The following GULP1 variants were observed in gnomAD, a reference collection of about 807,000 sequenced individuals.
GULP1 encodes GULP PTB domain containing engulfment adaptor 1.
GULP1 carries 19 observed loss-of-function variants against 40.9 expected under a neutral mutation model. The observed-to-expected ratio is 0.46, with a 90% CI of 0.32 to 0.68. The LOEUF (loss-of-function observed/expected upper bound fraction) is 0.68. Among genes scored for constraint, GULP1 ranks in the 30% least tolerant of loss-of-function variants. The pLI, the probability that GULP1 is intolerant of heterozygous loss-of-function variation, is 0.03. For missense variants in GULP1, 312 were observed against 362.2 expected (o/e 0.86, Z 1.12); for synonymous variants, 119 against 117.6 (o/e 1.01, Z -0.08).
intron 4 of GULP1, among the ~76,000 whole-genome samples, chr2:188,491,098 G>A (rs1289711240): frequency 6.6e-6 from 1 of 151,866 alleles, no homozygotes; most frequent in African/African-American, 2.4e-5. Flanking sequence ...ATGCCTAGCC[G>A]AAATAATTTT....
intron 4 of GULP1, among the ~76,000 whole-genome samples, chr2:188,519,277 G>A (rs568027264): frequency 6.6e-6 from 1 of 152,258 alleles, no homozygotes; most frequent in Admixed American, 6.5e-5. Flanking sequence ...AAGGTTTCCT[G>A]GAGCACAGCT....
rs914820180 is a variant in GULP1 at position 188,594,116 on chromosome 2, A to G, written c.*105A>G. 5.1e-6 allele frequency: 3 copies of G among 588,974 alleles called. No individual in the cohort carries two copies. The highest frequency in any genetic ancestry group is 2.9e-5 in the East Asian group (1 of 34,092). The allele number at this position is 588,974 out of a possible 1,614,324, so 36.5% of individuals were successfully genotyped here. A position where few individuals can be genotyped will look rare whatever the true frequency, so the allele number is the denominator to read the frequency against. On this transcript the variant is annotated 3_prime_UTR_variant, in exon 12 of 12. Transcript: ENST00000409830. ...TATTATTCATGTGTCAATGTTTTTG[A>G]ATATTTTAATATTTTGAAAATTTTC...
At chr2:188,341,457 T>G (rs2042955536) in intron 1 of GULP1, among the ~76,000 whole-genome samples, 2 of 152,054 alleles carry the variant, frequency 1.3e-5, no homozygotes, top group African/African-American at 2.4e-5. Flanking sequence ...TAATTCAACA[T>G]GAGATTGAGA....
At chr2:188,361,959 TG>T (rs139722917) in intron 1 of GULP1, among the ~76,000 whole-genome samples, 2,665 of 152,180 alleles carry the variant, frequency 0.018, 79 homozygotes, top group African/African-American at 0.061. Context: ...ATTGACAAAA[TG>T]TTTTTTGTAA....
chr2:188,492,577 A>T (rs933278229), intron 4 of GULP1, among the ~76,000 whole-genome samples: 8 of 152,174 alleles, frequency 5.3e-5, no homozygotes, highest in African/African-American at 1.9e-4. Flanking sequence ...ACAGCTAAAC[A>T]ATAACATGAA....
chr2:188,531,819 A>C (rs1333033378), intron 6 of GULP1, among the ~76,000 whole-genome samples: 1 of 152,218 alleles, frequency 6.6e-6, no homozygotes, highest in Non-Finnish European at 1.5e-5. Flanking sequence ...GTGTAGCAAC[A>C]AAGTGTAGTC....
chr2:188,467,179 G>C (rs916800768), intron 2 of GULP1, among the ~76,000 whole-genome samples: 1 of 152,124 alleles, frequency 6.6e-6, no homozygotes, highest in African/African-American at 2.4e-5. Flanking sequence ...TTGGAGTTAG[G>C]AGGATAATAA....
intron 1 of GULP1, among the ~76,000 whole-genome samples, chr2:188,334,099 G>C (rs1035577635): frequency 1.3e-5 from 2 of 152,136 alleles, no homozygotes; most frequent in Non-Finnish European, 2.9e-5. Flanking sequence ...GGGGACCTGA[G>C]AGCAGTCTAA....
chr2:188,379,101 G>T (rs1353379252), intron 1 of GULP1, among the ~76,000 whole-genome samples: 1 of 152,106 alleles, frequency 6.6e-6, no homozygotes, highest in East Asian at 1.9e-4. Flanking sequence ...TGAATGACTT[G>T]ATAATTTTTC....
chr2:188,488,154 G>A (rs960430199), intron 4 of GULP1, among the ~76,000 whole-genome samples: 2 of 151,846 alleles, frequency 1.3e-5, no homozygotes, highest in Admixed American at 6.6e-5. Context: ...CAGAACCTAC[G>A]TATCTGACAT....
chr2:188,573,558 A>T (rs1699558378), intron 9 of GULP1, among the ~76,000 whole-genome samples: 1 of 152,182 alleles, frequency 6.6e-6, no homozygotes, highest in South Asian at 2.1e-4. Context: ...CACAGCAGGA[A>T]CACAAAGTAC....
rs2152600442 is a variant in GULP1 at position 188,398,250 on chromosome 2, G to C, written c.-45+14361G>C. The stretch of plus-strand genomic sequence containing the variant: ...CTACGTTTCCAACACCTTGATTTCA[G>C]AGTTCTGGCTTCCCGAACTATGAGA... On this transcript the variant is annotated intron_variant, in intron 2 of 11. Coordinates refer to ENST00000409830, the MANE Select transcript of GULP1 (RefSeq NM_016315.4). Among the ~76,000 whole-genome samples the C allele has an allele frequency of 2.0e-5, 3 of 152,318 alleles. No individual in the cohort carries two copies. In the Middle Eastern group the frequency reaches 0.01, roughly 522 times the overall value.
At chr2:188,327,499 G>A (rs932767088) in intron 1 of GULP1, among the ~76,000 whole-genome samples, 1 of 152,154 alleles carries the variant, frequency 6.6e-6, no homozygotes, top group Admixed American at 6.6e-5. Flanking sequence ...ACAGGACTGA[G>A]ACTGTAGAGG....
At chr2:188,438,927 A>G (rs1296040669) in intron 2 of GULP1, among the ~76,000 whole-genome samples, 4 of 152,092 alleles carry the variant, frequency 2.6e-5, no homozygotes, top group South Asian at 2.1e-4. Flanking sequence ...TATATGTTCC[A>G]GAAATGTATA....
chr2:188,569,516 C>T (rs1698568663), intron 8 of GULP1, 161 bp downstream of exon 8: 1 of 619,460 alleles, frequency 1.6e-6, no homozygotes, highest in African/African-American at 1.9e-5. Context: ...TCCTGATCCC[C>T]TGCACAGTTT....
chr2:188,553,343 G>A (rs1693978737), intron 7 of GULP1, among the ~76,000 whole-genome samples: 1 of 151,858 alleles, frequency 6.6e-6, no homozygotes, highest in South Asian at 2.1e-4. Flanking sequence ...TGTTTCTTCT[G>A]TGCCTGGTTT....
intron 7 of GULP1, among the ~76,000 whole-genome samples, chr2:188,548,516 T>G (rs1692557300): frequency 6.6e-6 from 1 of 152,100 alleles, no homozygotes; most frequent in Non-Finnish European, 1.5e-5. Context: ...TGTATAGATT[T>G]AACACAATTC....
At chr2:188,579,466 G>A (rs903368281) in intron 9 of GULP1, among the ~76,000 whole-genome samples, 1 of 152,116 alleles carries the variant, frequency 6.6e-6, no homozygotes, top group Non-Finnish European at 1.5e-5. Flanking sequence ...CCTGCACACA[G>A]TGTGTAATGA....
chr2:188,487,097 A>G (rs1461607684), intron 4 of GULP1, among the ~76,000 whole-genome samples: 1 of 151,966 alleles, frequency 6.6e-6, no homozygotes, highest in African/African-American at 2.4e-5. Context: ...GTTCCCTTCA[A>G]TTTTTTATGA....
Sources: allele counts gnomAD v4.1 joint callset (sites outside exome capture counted in the v4.1 genomes callset), GRCh38; gene constraint gnomAD v4.1.1; transcripts MANE v1.5; gene names NCBI Gene and HGNC (gene_info 2026-07-23, HGNC 2026-07-21).